The following KIAA2012 variants were observed in gnomAD, a reference collection of about 807,000 sequenced individuals.
KIAA2012 encodes the protein KIAA2012, also known as uncharacterized protein KIAA2012.
Under a neutral mutation model 150.6 loss-of-function variants are expected in KIAA2012, and 125 were observed. That is an observed-to-expected ratio of 0.83 (90% CI 0.72 to 0.96). The LOEUF (loss-of-function observed/expected upper bound fraction) is 0.96, where lower values mean the gene tolerates loss of function less well. KIAA2012 is among the 40% of genes least tolerant of loss of function. KIAA2012 has a pLI of 0.00. For synonymous variants in KIAA2012, 462 were observed against 504.7 expected (o/e 0.92, Z 1.13); for missense variants, 1,219 against 1,354.9 (o/e 0.90, Z 1.57).
At chr2:202,129,094 G>A (rs74544716) in intron 12 of KIAA2012, among the ~76,000 whole-genome samples, 27,246 of 151,732 alleles carry the variant, frequency 0.18, 3,059 homozygotes, top group Non-Finnish European at 0.25. Flanking sequence ...AGCCTGGGCA[G>A]CAAGAGCAAA....
intron 13 of KIAA2012, among the ~76,000 whole-genome samples, chr2:202,139,437 G>T (rs957794707): frequency 1.3e-5 from 2 of 152,088 alleles, no homozygotes; most frequent in Non-Finnish European, 2.9e-5. Context: ...AGCTCCAGGG[G>T]ACTCCCAGGT....
intron 23 of KIAA2012, 54 bp downstream of exon 23, chr2:202,202,641 C>A (rs1264474954): frequency 7.5e-6 from 3 of 397,596 alleles, no homozygotes; most frequent in Non-Finnish European, 1.3e-5. Flanking sequence ...TAATAAAGTT[C>A]TAGGGGCCAG....
rs539467880 is a variant in KIAA2012 at position 202,104,230 on chromosome 2, G to A, written c.1324+1116G>A. Among the ~76,000 whole-genome samples the A allele has an allele frequency of 5.1e-4, 78 of 152,148 alleles. No homozygotes were observed. Among genetic ancestry groups the A allele is most frequent in the Middle Eastern group, 3.4e-3 (1 of 294 alleles). On this transcript the variant is annotated intron_variant, in intron 8 of 23. Transcript: ENST00000498697. This position sits in a 1 kb window ranked among gnomAD's most constrained non-coding sequence, Gnocchi z 4.3. ...TGAACTGTGCACTTAAGATCTGTGC[G>A]ATTCACTCTATGTAGATTTTACCTT...
intron 22 of KIAA2012, 61 bp downstream of exon 22, chr2:202,197,080 T>C (rs1692430088): frequency 1.3e-6 from 2 of 1,546,816 alleles, no homozygotes; most frequent in South Asian, 2.4e-5. Context: ...CACTGTCCAG[T>C]GCTAGTGCTA....
Position 202,193,463 on chromosome 2 carries a change from G to A in KIAA2012, c.2974G>A (p.Glu992Lys), listed in dbSNP as rs781190070. ...GGAGAGAGCAAAAAAGATGGAGGAGGAGCTGGAGCTGGAGCAGCAGAGACG... is the reference window on the plus strand; with the variant it reads ...GGAGAGAGCAAAAAAGATGGAGGAGAAGCTGGAGCTGGAGCAGCAGAGACG... ...QLERAKKMEE[E>K]LELEQQRRTE... Residue 992 changes from glutamate (E) to lysine (K), a missense_variant, in exon 20 of 24, where the codon GAG becomes AAG. By Grantham distance (56) the Glu-to-Lys change is moderately conservative. Transcript: ENST00000498697. 828 of 1,550,086 alleles carry A rather than the reference G, an allele frequency of 5.3e-4. 3 individuals carry two copies. Among genetic ancestry groups the A allele is most frequent in the Middle Eastern group, 1.5e-3 (9 of 5,920 alleles).
At chr2:202,167,067 AG>A (rs1299106697) in intron 15 of KIAA2012, among the ~76,000 whole-genome samples, 1 of 151,756 alleles carries the variant, frequency 6.6e-6, no homozygotes, top group Non-Finnish European at 1.5e-5. Context: ...CCAGCTACTC[AG>A]GAGGCTGAGG....
At chr2:202,163,167 G>T (rs901409177) in intron 14 of KIAA2012, among the ~76,000 whole-genome samples, 1 of 144,960 alleles carries the variant, frequency 6.9e-6, no homozygotes, top group Non-Finnish European at 1.5e-5. Flanking sequence ...GCGGTGGTGC[G>T]ATCTCAGCTA....
At chr2:202,160,117 C>A (rs1290971740) in intron 14 of KIAA2012, among the ~76,000 whole-genome samples, 1 of 152,048 alleles carries the variant, frequency 6.6e-6, no homozygotes, top group African/African-American at 2.4e-5. Context: ...TGGCTGGCAG[C>A]AGAGGGAGCT....
At chr2:202,142,317 A>T (rs541838754) in intron 13 of KIAA2012, among the ~76,000 whole-genome samples, 4 of 152,258 alleles carry the variant, frequency 2.6e-5, no homozygotes, top group Non-Finnish European at 5.9e-5. Flanking sequence ...CTCATGAAAC[A>T]TGAAAAACAT....
At chr2:202,177,594 C>T (rs116434600) in intron 15 of KIAA2012, among the ~76,000 whole-genome samples, 65 of 152,172 alleles carry the variant, frequency 4.3e-4, no homozygotes, top group African/African-American at 1.2e-3. Flanking sequence ...TCTATGTTGC[C>T]CAGGCTCAAC....
intron 11 of KIAA2012, among the ~76,000 whole-genome samples, chr2:202,120,270 A>G (rs1690626360): frequency 6.6e-6 from 1 of 152,100 alleles, no homozygotes; most frequent in African/African-American, 2.4e-5. Context: ...CACCTACTCC[A>G]GGGGCTGAGG....
chr2:202,091,536 C>G (rs1035348103), intron 3 of KIAA2012, among the ~76,000 whole-genome samples: 1 of 152,098 alleles, frequency 6.6e-6, no homozygotes, highest in Non-Finnish European at 1.5e-5. Context: ...TCTGTAGATG[C>G]TTGAAAACAA....
chr2:202,130,038 T>C (rs1257998642), intron 12 of KIAA2012, among the ~76,000 whole-genome samples: 2 of 152,258 alleles, frequency 1.3e-5, no homozygotes, highest in East Asian at 1.9e-4. Context: ...CAGAAGAACA[T>C]TGATTTCTTT....
chr2:202,097,587 C>CTTTTTT lies in KIAA2012; in HGVS notation c.828+21_828+26dup. The CTTTTTT allele has an allele frequency of 7.0e-7, 1 of 1,419,308 alleles. No individual in the cohort carries two copies. The highest frequency in any genetic ancestry group is 9.4e-7 in the Non-Finnish European group (1 of 1,068,926). 87.9% of individuals were successfully genotyped at this position (1,419,308 alleles called of 1,614,324 possible). On this transcript the variant is annotated intron_variant, in intron 5 of 23. Transcript: ENST00000498697. ...TGAAACGCAGGCAGAGGTACCATTT[C>CTTTTTT]TTTTTTTTTTTTTTTTCCCCGAGAC...
At chr2:202,080,673 G>A (rs557114174) in intron 2 of KIAA2012, among the ~76,000 whole-genome samples, 1 of 144,094 alleles carries the variant, frequency 6.9e-6, no homozygotes, top group East Asian at 2.0e-4. Flanking sequence ...TCCAAACTGG[G>A]CAACAAGAGC....
In KIAA2012 at chr2:202,130,114, C is replaced by T. The variant is rs1006381807; in HGVS notation, c.1831+4832C>T. Among the ~76,000 whole-genome samples, 8 of 152,218 alleles carry T rather than the reference C, an allele frequency of 5.3e-5. No individual in the cohort carries two copies. The East Asian group carries it at 1.5e-3, about 29-fold the overall frequency. ...TAAAAAAAAGCTGACTGCTGGGACT[C>T]GTGATGGAAGTAAGAGAAAGTGAAG... On this transcript the variant is annotated intron_variant, in intron 12 of 23. Transcript: ENST00000498697.
Position 202,136,026 on chromosome 2 carries a change from C to G in KIAA2012, c.1832-2406C>G, listed in dbSNP as rs749946281. The G allele has an allele frequency of 4.6e-5, 17 of 367,450 alleles. 1 individual carries two copies. Among genetic ancestry groups the G allele is most frequent in the Middle Eastern group, 7.3e-4 (2 of 2,726 alleles). The allele number at this position is 367,450 out of a possible 1,614,324, so 22.8% of individuals were successfully genotyped here. A position where few individuals can be genotyped will look rare whatever the true frequency, so the allele number is the denominator to read the frequency against. On this transcript the variant is annotated intron_variant, in intron 12 of 23. Transcript: ENST00000498697. ...AAAAAAATTTTTTTTGAAACAGAGT[C>G]TCACTCTGTTGTGTCCGGAAATGGT...
intron 14 of KIAA2012, among the ~76,000 whole-genome samples, chr2:202,160,666 A>G (rs996241287): frequency 6.6e-6 from 1 of 152,172 alleles, no homozygotes; most frequent in Non-Finnish European, 1.5e-5. Context: ...TTACACAGGA[A>G]AAGTTATACT....
At position 202,074,959 on chromosome 2, in the gene KIAA2012, C is replaced by T; in HGVS notation, c.153C>T (p.Ala51=). The T allele has an allele frequency of 6.4e-7, 1 of 1,551,022 alleles. No homozygotes were observed. Among genetic ancestry groups the T allele is most frequent in the Non-Finnish European group, 8.7e-7 (1 of 1,147,086 alleles). ...PVSKPQDKNN[A]SQHSWSLFLP... ...GCAAACCTCAAGATAAGAACAATGC[C>T]AGTCAGCACTCCTGGAGCCTCTTTC... Residue 51 remains alanine, a synonymous_variant, in exon 2 of 24, where the codon GCC becomes GCT. Transcript: ENST00000498697.
Sources: gnomAD v4.1 joint callset for allele counts (sites outside exome capture counted in the v4.1 genomes callset) on GRCh38, gnomAD v4.1.1 for gene constraint, Gnocchi (gnomAD v3.1) non-coding constraint, MANE v1.5 for transcripts, NCBI Gene and HGNC (gene_info 2026-07-23, HGNC 2026-07-21) for gene names.